DST: variants seen among roughly 807,000 people sequenced by gnomAD.
DST encodes dystonin.
A neutral mutation model predicts 875.2 loss-of-function variants in DST; 253 were observed. The observed-to-expected ratio is 0.29, with a 90% CI of 0.26 to 0.32. DST has a LOEUF of 0.32. Ranked by LOEUF, DST falls within the 10% of genes least tolerant of loss-of-function variation. The pLI is 1.00. For synonymous variants in DST, 3,124 were observed against 3,197.1 expected, an observed-to-expected ratio of 0.98 and a Z score of 0.77; for missense variants, 8,287 against 9,111.6, an observed-to-expected ratio of 0.91 and a Z score of 3.68.
chr6:56,463,883 A>C (rs775907560), intron 100 of DST, 119 bp from the exon 101 acceptor site: 2 of 1,087,608 alleles, frequency 1.8e-6, no homozygotes, highest in East Asian at 2.4e-5. Flanking sequence ...TTTCAAGAAC[A>C]TCTTTTTGCC....
At chr6:56,506,871 A>G (rs2096333012) in intron 75 of DST, 82 bp from the exon 76 acceptor site, 2 of 1,345,506 alleles carry the variant, frequency 1.5e-6, no homozygotes, top group African/African-American at 2.9e-5. Flanking sequence ...TATCAATGGT[A>G]GTTATTTCTA....
chr6:56,611,298 G>C (rs1292254077), intron 38 of DST, among the ~76,000 whole-genome samples: 3 of 152,028 alleles, frequency 2.0e-5, no homozygotes, highest in African/African-American at 4.8e-5. Context: ...GGTAATACAT[G>C]GGGATAATAA....
chr6:56,568,568 T>C lies in DST; in HGVS notation c.13906A>G (p.Thr4636Ala), dbSNP rs2097721815. The C allele has an allele frequency of 6.2e-7, 1 of 1,610,188 alleles. No individual in the cohort carries two copies. The highest frequency in any genetic ancestry group is 1.3e-5 in the African/African-American group (1 of 74,838). The change falls in exon 55 of 104, where the codon ACA becomes GCA. Residue 4636 changes from threonine (T) to alanine (A), a missense_variant. Physicochemically the swap from Thr to Ala is moderately conservative, Grantham distance 58. This residue lies in a region of DST where 1,513 missense variants were observed against 1,677.8 expected (regional missense o/e 0.90). Transcript: ENST00000680361. Reference sequence around the variant, plus strand: ...TTGTTTACTTTCTGAATCTCTGGTGTTTTTAAACTCCACTTTTCTTGTAAT... The same window carrying C: ...TTGTTTACTTTCTGAATCTCTGGTGCTTTTAAACTCCACTTTTCTTGTAAT... ...KKLQEKWSLK[T>A]PEIQKVNNSG... is the part of the protein sequence containing the mutation.
At chr6:56,746,088 C>A (rs2099571583) in intron 4 of DST, among the ~76,000 whole-genome samples, 1 of 152,026 alleles carries the variant, frequency 6.6e-6, no homozygotes, top group Admixed American at 6.6e-5. Context: ...CTCAAGCAAT[C>A]CACTCAACTC....
chr6:56,790,909 A>C (rs956755603), intron 4 of DST, among the ~76,000 whole-genome samples: 1 of 152,244 alleles, frequency 6.6e-6, no homozygotes, highest in Non-Finnish European at 1.5e-5. Context: ...AGATACCTGG[A>C]TCACAAGCTG....
chr6:56,842,955 T>A, intron 4 of DST: 1 of 1,148,904 alleles, frequency 8.7e-7, no homozygotes, highest in Non-Finnish European at 1.1e-6. Context: ...AGACACCTGT[T>A]TACTCGTGCC....
intron 75 of DST, among the ~76,000 whole-genome samples, chr6:56,508,247 T>C (rs112727336): frequency 0.011 from 1,628 of 152,238 alleles, 33 homozygotes; most frequent in African/African-American, 0.036. Context: ...TTGGCCAAGC[T>C]GGTCTCAAAC....
At position 56,615,893 on chromosome 6, in the gene DST, GTGATTACTAAT is replaced by G; in HGVS notation, c.4930-1420_4930-1410del. 3 of 1,614,180 alleles carry G rather than the reference GTGATTACTAAT, an allele frequency of 1.9e-6. No individual in the cohort carries two copies. Among genetic ancestry groups the G allele is most frequent in the Non-Finnish European group, 2.5e-6 (3 of 1,180,026 alleles). On this transcript the variant is annotated intron_variant, in intron 36 of 103. Coordinates refer to ENST00000680361, the MANE Select transcript of DST (RefSeq NM_001374736.1). The stretch of plus-strand genomic sequence containing the variant: ...GTTAGTGATGGGATGGCCAATCCCT[GTGATTACTAAT>G]TCACACTGTCGCAGCTGCTGGGCAA...
At chr6:56,744,217 T>G (rs1184138765) in intron 4 of DST, among the ~76,000 whole-genome samples, 1 of 151,842 alleles carries the variant, frequency 6.6e-6, no homozygotes, top group African/African-American at 2.4e-5. Flanking sequence ...AAGATGGAAT[T>G]TACCTTCTGA....
chr6:56,606,464 C>T lies in DST; in HGVS notation c.8164G>A (p.Glu2722Lys). The change falls in exon 40 of 104, where the codon GAA becomes AAA. Residue 2722 changes from glutamate (E) to lysine (K), a missense_variant. Physicochemically the swap from Glu to Lys is moderately conservative, Grantham distance 56. Coordinates refer to ENST00000680361, the MANE Select transcript of DST (RefSeq NM_001374736.1). The part of the protein sequence containing the change: ...GSDKVNGQSL[E>K]TGSERECTNI... ...GTGCATTCCCTTTCTGATCCAGTTTCCAGTGACTGTCCATTCACCTTATCT... is the reference window on the plus strand; with the variant it reads ...GTGCATTCCCTTTCTGATCCAGTTTTCAGTGACTGTCCATTCACCTTATCT... 1 of 1,613,392 alleles carries T rather than the reference C, an allele frequency of 6.2e-7. No individual in the cohort carries two copies. Among genetic ancestry groups the T allele is most frequent in the Non-Finnish European group, 8.5e-7 (1 of 1,179,560 alleles).
chr6:56,715,535 G>A (rs1213203808), intron 5 of DST, among the ~76,000 whole-genome samples: 1 of 152,118 alleles, frequency 6.6e-6, no homozygotes, highest in East Asian at 1.9e-4. Flanking sequence ...CAAAGAGGGA[G>A]GATCTCTAGA....
In DST at chr6:56,608,434, G is replaced by A; in HGVS notation, c.6194C>T (p.Ala2065Val). Reference protein sequence around the residue: ...TSSSALLVLEAQRGYVGLIWP... With the variant: ...TSSSALLVLEVQRGYVGLIWP... ...AATGAGTCCAACATAGCCTCGCTGA[G>A]CTTCCAGGACCAGAAGAGCACTGCT... Residue 2065 changes from alanine to valine, a missense_variant, in exon 40 of 104, where the codon GCT becomes GTT. Ala to Val is a moderately conservative substitution (Grantham distance 64, BLOSUM62 0). This residue lies in a region of DST where 3,138 missense variants were observed against 3,116.6 expected (regional missense o/e 1.01). Coordinates refer to ENST00000680361, the MANE Select transcript of DST (RefSeq NM_001374736.1). 6.2e-7 allele frequency: 1 copy of A among 1,613,720 alleles called. No homozygotes were observed. The highest frequency in any genetic ancestry group is 8.5e-7 in the Non-Finnish European group (1 of 1,179,788).
intron 10 of DST, among the ~76,000 whole-genome samples, chr6:56,660,066 A>G (rs568662215): frequency 1.3e-5 from 2 of 152,196 alleles, no homozygotes; most frequent in Non-Finnish European, 2.9e-5. Context: ...AACACTGAGA[A>G]AAGGTGGTGG....
At chr6:56,777,483 G>T (rs982898138) in intron 4 of DST, among the ~76,000 whole-genome samples, 2 of 152,018 alleles carry the variant, frequency 1.3e-5, no homozygotes, top group African/African-American at 4.8e-5. Context: ...GCCTGACCCT[G>T]TAAAACTTAC....
At chr6:56,831,539 G>A (rs1007409346) in intron 4 of DST, among the ~76,000 whole-genome samples, 2 of 151,880 alleles carry the variant, frequency 1.3e-5, no homozygotes, top group Non-Finnish European at 2.9e-5. Flanking sequence ...TGAAACCCCT[G>A]GATGCTCGTA....
intron 4 of DST, among the ~76,000 whole-genome samples, chr6:56,779,578 G>A (rs945519233): frequency 1.1e-4 from 17 of 151,846 alleles, no homozygotes; most frequent in African/African-American, 4.1e-4. Context: ...GTAAGGAAGG[G>A]ATCCAGTTTC....
At chr6:56,933,636 G>A (rs1443759887) in intron 2 of DST, among the ~76,000 whole-genome samples, 1 of 152,164 alleles carries the variant, frequency 6.6e-6, no homozygotes, top group African/African-American at 2.4e-5. Flanking sequence ...GTAGAAATGG[G>A]AGTTTGCAAC....
At chr6:56,849,767 T>C (rs531392643) in intron 4 of DST, among the ~76,000 whole-genome samples, 1 of 152,282 alleles carries the variant, frequency 6.6e-6, no homozygotes, top group South Asian at 2.1e-4. Context: ...CATAACTCCC[T>C]CCTTCATTAC....
chr6:56,767,613 TCAAATAAATAAATAAA>T (rs1304289100), intron 4 of DST, among the ~76,000 whole-genome samples: 241 of 116,588 alleles, frequency 2.1e-3, no homozygotes, highest in African/African-American at 6.9e-3. Flanking sequence ...AGACCCTGTC[TCAAATAAATAAATAAA>T]TAAATAAATA....
Sources: gnomAD v4.1 joint callset for allele counts (sites outside exome capture counted in the v4.1 genomes callset) on GRCh38, gnomAD v4.1.1 for gene constraint, gnomAD v4.1.1 regional missense constraint, MANE v1.5 for transcripts, NCBI Gene and HGNC (gene_info 2026-07-23, HGNC 2026-07-21) for gene names.